The following CSMD1 variants were observed in gnomAD, a reference collection of about 807,000 sequenced individuals.
CSMD1 encodes CUB and Sushi multiple domains 1.
In CSMD1, 213 loss-of-function variants were observed where a neutral mutation model predicts 417.5. The ratio of observed to expected loss-of-function variants is 0.51; its 90% CI spans 0.46 to 0.57. CSMD1 has a LOEUF of 0.57. Ranked by LOEUF, CSMD1 falls within the 20% of genes least tolerant of loss-of-function variation. The probability of loss-of-function intolerance (pLI) is 0.00; values close to 1 mark genes in which losing one functional copy is unlikely to be tolerated. For synonymous variants in CSMD1, 2,862 were observed against 1,736.8 expected, an observed-to-expected ratio of 1.65 and a Z score of -16.11; for missense variants, 6,923 against 4,529.7, an observed-to-expected ratio of 1.53 and a Z score of -15.17.
chr8:4,401,009 G>A (rs774406437), intron 3 of CSMD1, among the ~76,000 whole-genome samples: 1 of 152,006 alleles, frequency 6.6e-6, no homozygotes, highest in East Asian at 1.9e-4. Flanking sequence ...ATGAAACTGA[G>A]TCCATTTAAA....
chr8:4,036,180 T>C (rs1390041309), intron 3 of CSMD1, among the ~76,000 whole-genome samples: 1 of 152,196 alleles, frequency 6.6e-6, no homozygotes, highest in Non-Finnish European at 1.5e-5. Flanking sequence ...GTGTGCTCTG[T>C]GATGTTTGCA....
At chr8:3,357,668 T>C (rs370066102) in intron 21 of CSMD1, among the ~76,000 whole-genome samples, 12 of 152,174 alleles carry the variant, frequency 7.9e-5, no homozygotes, top group Admixed American at 3.3e-4. Context: ...CTTGATTTCA[T>C]TGAGTTGGGG....
At chr8:4,959,371 C>G (rs1196161933) in intron 1 of CSMD1, among the ~76,000 whole-genome samples, 2 of 152,202 alleles carry the variant, frequency 1.3e-5, no homozygotes, top group Non-Finnish European at 1.5e-5. Context: ...TGGCAATCCC[C>G]AACCAGGCGC....
intron 27 of CSMD1, among the ~76,000 whole-genome samples, chr8:3,224,874 A>G (rs1278303844): frequency 1.3e-5 from 2 of 152,208 alleles, no homozygotes; most frequent in Non-Finnish European, 1.5e-5. Context: ...ATTTATAAGT[A>G]TACACATTTT....
chr8:3,713,531 C>G (rs1748575968), intron 6 of CSMD1, among the ~76,000 whole-genome samples: 2 of 152,224 alleles, frequency 1.3e-5, no homozygotes, highest in African/African-American at 4.8e-5. Flanking sequence ...AGCCAGACAT[C>G]TGCCTTCCTC....
At chr8:4,403,077 C>A (rs1215308244) in intron 3 of CSMD1, among the ~76,000 whole-genome samples, 1 of 151,916 alleles carries the variant, frequency 6.6e-6, no homozygotes, top group Non-Finnish European at 1.5e-5. Context: ...GTGATCCGCT[C>A]GCCTCAGCCT....
intron 5 of CSMD1, among the ~76,000 whole-genome samples, chr8:3,808,786 G>C (rs191781828): frequency 2.2e-4 from 33 of 152,284 alleles, no homozygotes; most frequent in African/African-American, 7.5e-4. Context: ...GTTTGTCTCG[G>C]AATTGGAAAA....
chr8:3,479,690 T>A (rs1268146141), intron 11 of CSMD1, among the ~76,000 whole-genome samples: 3 of 152,008 alleles, frequency 2.0e-5, no homozygotes, highest in Non-Finnish European at 4.4e-5. Flanking sequence ...ATACCTAACA[T>A]GACACACAAA....
chr8:4,182,590 C>A (rs1030837992), intron 3 of CSMD1, among the ~76,000 whole-genome samples: 1 of 152,090 alleles, frequency 6.6e-6, no homozygotes, highest in African/African-American at 2.4e-5. Flanking sequence ...ATTTAGCATT[C>A]TACTCTGAGG....
chr8:4,013,709 G>A (rs1162948663), intron 4 of CSMD1, among the ~76,000 whole-genome samples: 1 of 152,168 alleles, frequency 6.6e-6, no homozygotes, highest in Non-Finnish European at 1.5e-5. Context: ...TGTAGCCCCA[G>A]CAGCTACAAC....
intron 3 of CSMD1, among the ~76,000 whole-genome samples, chr8:4,342,847 C>A (rs963357405): frequency 1.3e-5 from 2 of 151,966 alleles, no homozygotes; most frequent in Admixed American, 6.6e-5. Flanking sequence ...AAGTGAGTCA[C>A]CCTAGATACA....
At position 4,910,288 on chromosome 8, in the gene CSMD1, T is replaced by C. The variant is rs545574404; in HGVS notation, c.85+84044A>G. Among the ~76,000 whole-genome samples, 16 of 152,360 alleles carry C rather than the reference T, an allele frequency of 1.1e-4. No individual in the cohort carries two copies. The East Asian group carries it at 2.7e-3, about 26-fold the overall frequency. ...CATCACAGTGAACAGTCAACGCATA[T>C]ATCTTGATTTATACAACTTTATAAG... On this transcript the variant is annotated intron_variant, in intron 1 of 69. Transcript: ENST00000635120.
At chr8:4,513,210 G>C (rs916473360) in intron 2 of CSMD1, among the ~76,000 whole-genome samples, 22 of 152,148 alleles carry the variant, frequency 1.4e-4, no homozygotes, top group African/African-American at 5.1e-4. Context: ...CATTCTTATG[G>C]GGGGATGTTG....
At chr8:4,035,850 G>A (rs981496528) in intron 3 of CSMD1, among the ~76,000 whole-genome samples, 3 of 152,228 alleles carry the variant, frequency 2.0e-5, no homozygotes, top group African/African-American at 7.2e-5. Flanking sequence ...TGTTTATGAA[G>A]TCTACAGTCG....
intron 7 of CSMD1, among the ~76,000 whole-genome samples, chr8:3,668,816 G>A (rs376841045): frequency 6.6e-6 from 1 of 152,088 alleles, no homozygotes; most frequent in Admixed American, 6.6e-5. Context: ...ACAATTTGCT[G>A]TTAAGTAAAG....
At chr8:3,653,251 A>C (rs78507763) in intron 7 of CSMD1, among the ~76,000 whole-genome samples, 4,918 of 152,234 alleles carry the variant, frequency 0.032, 278 homozygotes, top group African/African-American at 0.11. Flanking sequence ...TATAAATATC[A>C]AATAGATAAG....
chr8:4,895,233 A>T (rs192861781), intron 1 of CSMD1, among the ~76,000 whole-genome samples: 161 of 152,288 alleles, frequency 1.1e-3, no homozygotes, highest in South Asian at 2.1e-3. Context: ...AGACAACCTG[A>T]ATCACGTTCA....
At chr8:4,088,894 C>T (rs1183890869) in intron 3 of CSMD1, among the ~76,000 whole-genome samples, 1 of 152,172 alleles carries the variant, frequency 6.6e-6, no homozygotes, top group African/African-American at 2.4e-5. Flanking sequence ...TCTTCCCCCT[C>T]TACTCATTTT....
chr8:4,161,647 T>C (rs1797177099), intron 3 of CSMD1, among the ~76,000 whole-genome samples: 1 of 152,166 alleles, frequency 6.6e-6, no homozygotes, highest in Non-Finnish European at 1.5e-5. Flanking sequence ...AATGTGTTCT[T>C]CCAACGTCAA....
Sources: allele counts gnomAD v4.1 joint callset (sites outside exome capture counted in the v4.1 genomes callset), GRCh38; gene constraint gnomAD v4.1.1; transcripts MANE v1.5; gene names NCBI Gene and HGNC (gene_info 2026-07-23, HGNC 2026-07-21).